Variants in DNAJC2 observed in about 807,000 individuals in gnomAD.
DNAJC2 encodes the protein dnaJ homolog subfamily C member 2.
DNAJC2 carries 32 observed loss-of-function variants against 94.0 expected under a neutral mutation model. That is an observed-to-expected ratio of 0.34 (90% CI 0.26 to 0.46). The LOEUF is 0.46. Ranked by LOEUF, DNAJC2 falls within the 20% of genes least tolerant of loss-of-function variation. The pLI, the probability that DNAJC2 is intolerant of heterozygous loss-of-function variation, is 1.00. For synonymous variants in DNAJC2, 210 were observed against 229.7 expected (o/e 0.91, Z 0.77); for missense variants, 550 against 719.5 (o/e 0.76, Z 2.69).
At chr7:103,328,561 G>C (rs1016184844) in intron 3 of DNAJC2, among the ~76,000 whole-genome samples, 5 of 152,080 alleles carry the variant, frequency 3.3e-5, no homozygotes, top group Non-Finnish European at 7.4e-5. Flanking sequence ...AACCCATGAG[G>C]TGGAGGCTGC....
In DNAJC2 at chr7:103,327,581, A is replaced by G. The variant is rs912942719; in HGVS notation, c.430+75T>C. The G allele has an allele frequency of 2.6e-5, 26 of 987,238 alleles. No individual in the cohort carries two copies. The Admixed American group carries it at 3.2e-4, about 12-fold the overall frequency. The allele number at this position is 987,238 out of a possible 1,614,324, so 61.2% of individuals were successfully genotyped here. A position where few individuals can be genotyped will look rare whatever the true frequency, so the allele number is the denominator to read the frequency against. On this transcript the variant is annotated intron_variant, in intron 4 of 16. Coordinates refer to ENST00000379263, the MANE Select transcript of DNAJC2 (RefSeq NM_014377.3). ...GATAGTTGAATGAACTACAGTATGCATAAGAAACCCAATCCCAGCAATTAA... is the reference window on the plus strand; with the variant it reads ...GATAGTTGAATGAACTACAGTATGCGTAAGAAACCCAATCCCAGCAATTAA...
At chr7:103,315,192 C>T (rs113316465) in intron 15 of DNAJC2, among the ~76,000 whole-genome samples, 2 of 150,100 alleles carry the variant, frequency 1.3e-5, no homozygotes, top group African/African-American at 2.4e-5. Flanking sequence ...TTGAGTCTTA[C>T]TATGTTTCCT....
rs1819385292 is a variant in DNAJC2 at position 103,341,884 on chromosome 7, A to G, written c.135T>C (p.Asn45=). The change falls in exon 2 of 17, where the codon AAT becomes AAC. Residue 45 remains asparagine (N), a synonymous_variant. Coordinates refer to ENST00000379263, the MANE Select transcript of DNAJC2 (RefSeq NM_014377.3). ...FEAFVKRRNR[N]ASASFQELED... ...CCAGTTCCTGAAAAGAGGCAGAAGC[A>G]TTTCTGTTTCTCCTCTTAACAAAAG... 2 of 1,613,126 alleles carry G rather than the reference A, an allele frequency of 1.2e-6. No homozygotes were observed. The highest frequency in any genetic ancestry group is 1.7e-6 in the Non-Finnish European group (2 of 1,179,788).
In DNAJC2 at chr7:103,314,215, G is replaced by A. The variant is rs1817918760; in HGVS notation, c.1637-1114C>T. 3 of 985,064 alleles carry A rather than the reference G, an allele frequency of 3.0e-6. No individual in the cohort carries two copies. In the African/African-American group the frequency reaches 5.2e-5, roughly 17 times the overall value. The allele number at this position is 985,064 out of a possible 1,614,324, so 61.0% of individuals were successfully genotyped here. On this transcript the variant is annotated intron_variant, in intron 15 of 16. Transcript: ENST00000379263. ...TACCATAGATTTTATTTCCTCTCTT[G>A]GAAAAAAGATGGAAGTGACATGGCA... is the stretch of plus-strand genomic sequence containing the variant.
chr7:103,337,442 G>C (rs113953195), intron 3 of DNAJC2: 18 of 267,802 alleles, frequency 6.7e-5, no homozygotes, highest in African/African-American at 3.8e-4. Flanking sequence ...CTTCTAAAGA[G>C]AGGTGAAGTA....
rs1225926907 is a variant in DNAJC2 at position 103,316,815 on chromosome 7, C to G, written c.1427+15G>C. 1.2e-6 allele frequency: 2 copies of G among 1,607,538 alleles called. No homozygotes were observed. The highest frequency in any genetic ancestry group is 2.7e-5 in the African/African-American group (2 of 74,616). ...TCCAGTGTGAGTTGAAGAAAAGTTTCATTAAAACCAGTACCTTGAATTTGT... is the reference window on the plus strand; with the variant it reads ...TCCAGTGTGAGTTGAAGAAAAGTTTGATTAAAACCAGTACCTTGAATTTGT... On this transcript the variant is annotated intron_variant, in intron 13 of 16. Coordinates refer to ENST00000379263, the MANE Select transcript of DNAJC2 (RefSeq NM_014377.3).
intron 2 of DNAJC2, among the ~76,000 whole-genome samples, chr7:103,340,179 C>T (rs1041594118): frequency 1.7e-4 from 26 of 152,308 alleles, no homozygotes; most frequent in Admixed American, 5.9e-4. Flanking sequence ...TGGAAGAATA[C>T]GCTGCCTGAT....
At chr7:103,313,785 T>C (rs1817893034) in intron 15 of DNAJC2, 3 of 985,380 alleles carry the variant, frequency 3.0e-6, no homozygotes, top group Non-Finnish European at 3.6e-6. Context: ...GAAACAAATA[T>C]GTTTCTTAAG....
At chr7:103,325,700 C>A (rs1490147365) in intron 5 of DNAJC2, among the ~76,000 whole-genome samples, 1 of 152,086 alleles carries the variant, frequency 6.6e-6, no homozygotes, top group Non-Finnish European at 1.5e-5. Flanking sequence ...TTTAAGGGAA[C>A]CTGCCAATGC....
intron 16 of DNAJC2, 26 bp downstream of exon 16, chr7:103,312,921 A>T (rs1200468484): frequency 1.3e-6 from 2 of 1,592,578 alleles, no homozygotes; most frequent in East Asian, 4.5e-5. Context: ...AAAATACAAC[A>T]ATCTATAAAC....
intron 12 of DNAJC2, 91 bp downstream of exon 12, chr7:103,319,518 T>C (rs1298428927): frequency 4.3e-6 from 5 of 1,158,872 alleles, no homozygotes; most frequent in African/African-American, 1.5e-5. Flanking sequence ...AGATACTCCC[T>C]GCACTTGGTG....
chr7:103,330,712 A>C (rs942837711), intron 3 of DNAJC2, among the ~76,000 whole-genome samples: 8 of 150,356 alleles, frequency 5.3e-5, no homozygotes, highest in Non-Finnish European at 1.2e-4. Context: ...AGCCTCCCAA[A>C]GTGCTGGGAT....
chr7:103,334,252 G>A (rs898844892), intron 3 of DNAJC2, among the ~76,000 whole-genome samples: 1 of 150,944 alleles, frequency 6.6e-6, no homozygotes, highest in Non-Finnish European at 1.5e-5. Context: ...TGCCCGGCCT[G>A]TTGTGAACGT....
Position 103,341,850 on chromosome 7 carries a change from T to C in DNAJC2, c.169A>G (p.Lys57Glu). The stretch of plus-strand genomic sequence containing the variant: ...TCTTCTGATTCCTCGGATAACTCTT[T>C]CTTATCCTCCAGTTCCTGAAAAGAG... ...SASFQELEDK[K>E]ELSEESEDEE... The change falls in exon 2 of 17, where the codon AAA becomes GAA. Residue 57 changes from lysine to glutamate, a missense_variant. Transcript: ENST00000379263. 1 of 1,612,938 alleles carries C rather than the reference T, an allele frequency of 6.2e-7. No individual in the cohort carries two copies. The highest frequency in any genetic ancestry group is 8.5e-7 in the Non-Finnish European group (1 of 1,179,662).
chr7:103,337,465 A>C, intron 3 of DNAJC2: 1 of 314,464 alleles, frequency 3.2e-6, no homozygotes, highest in Admixed American at 4.9e-5. Context: ...ATTTTTTAAA[A>C]GCTTGCCATT....
rs1288111824 is a variant in DNAJC2, at chr7:103,321,804, C to T, written c.1083+128G>A. On this transcript the variant is annotated intron_variant, in intron 10 of 16. Coordinates refer to ENST00000379263, the MANE Select transcript of DNAJC2 (RefSeq NM_014377.3). The stretch of plus-strand genomic sequence containing the variant: ...CGGAAATTGCGGTGAACTGAGATCG[C>T]GCCACTGCACTCCAGCCTGGGCGAC... 1.9e-5 allele frequency: 19 copies of T among 1,015,538 alleles called. 1 individual carries two copies. In the Admixed American group the frequency reaches 2.0e-4, roughly 11 times the overall value. The allele number at this position is 1,015,538 out of a possible 1,614,324, so 62.9% of individuals were successfully genotyped here.
At chr7:103,313,850 T>C (rs1321079190) in intron 15 of DNAJC2, 8 of 985,230 alleles carry the variant, frequency 8.1e-6, no homozygotes. Flanking sequence ...TGTTAAGTGG[T>C]AGAAAGCTGA....
Position 103,342,610 on chromosome 7 carries a change from ATT to A in DNAJC2, c.65-658_65-657del, listed in dbSNP as rs1216827265. Reference sequence around the variant, plus strand: ...GTGAGCCACTGCACCCACCTGGACAATTTTTTTTTTTTTTTTGGGACGGAGTC... The same window carrying A: ...GTGAGCCACTGCACCCACCTGGACAATTTTTTTTTTTTTTGGGACGGAGTC... On this transcript the variant is annotated intron_variant, in intron 1 of 16. Coordinates refer to ENST00000379263, the MANE Select transcript of DNAJC2 (RefSeq NM_014377.3). Among the ~76,000 whole-genome samples, 535 of 136,388 alleles carry A rather than the reference ATT, an allele frequency of 3.9e-3. 4 individuals are homozygous for A. The highest frequency in any genetic ancestry group is 0.014 in the African/African-American group (521 of 37,022). The allele number at this position is 136,388 out of a possible 152,430, so 89.5% of individuals were successfully genotyped here.
At chr7:103,336,360 G>A (rs1207551016) in intron 3 of DNAJC2, 1 of 151,690 alleles carries the variant, frequency 6.6e-6, no homozygotes, top group African/African-American at 2.4e-5. Context: ...CTATTTTTTC[G>A]GAAACAGAGT....
Sources: gnomAD v4.1 joint callset for allele counts (sites outside exome capture counted in the v4.1 genomes callset) on GRCh38, gnomAD v4.1.1 for gene constraint, MANE v1.5 for transcripts, NCBI Gene and HGNC (gene_info 2026-07-23, HGNC 2026-07-21) for gene names.